The following TOX2 variants were observed in gnomAD, a reference collection of about 807,000 sequenced individuals.
TOX2 encodes granulosa cell HMG box 1.
TOX2 carries 15 observed loss-of-function variants against 47.4 expected under a neutral mutation model. The ratio of observed to expected loss-of-function variants is 0.32; its 90% CI spans 0.21 to 0.49. The LOEUF (loss-of-function observed/expected upper bound fraction) is 0.49, where lower values mean the gene tolerates loss of function less well. Among genes scored for constraint, TOX2 ranks in the 20% least tolerant of loss-of-function variants. TOX2 has a pLI of 0.99. For synonymous variants in TOX2, 290 were observed against 296.6 expected, an observed-to-expected ratio of 0.98 and a Z score of 0.23; for missense variants, 622 against 673.1, an observed-to-expected ratio of 0.92 and a Z score of 0.84.
At chr20:44,000,902 G>A (rs1266228913) in intron 2 of TOX2, among the ~76,000 whole-genome samples, 1 of 152,044 alleles carries the variant, frequency 6.6e-6, no homozygotes, top group Non-Finnish European at 1.5e-5. Flanking sequence ...CCACTGATAA[G>A]GTCAAGATGA....
intron 1 of TOX2, among the ~76,000 whole-genome samples, chr20:43,962,531 T>A (rs150872258): frequency 7.0e-4 from 106 of 152,386 alleles, no homozygotes; most frequent in African/African-American, 2.5e-3. Flanking sequence ...AGCCCTAGAC[T>A]GGGATGTGGC....
intron 1 of TOX2, among the ~76,000 whole-genome samples, chr20:43,964,627 A>G (rs1445802988): frequency 1.3e-5 from 2 of 152,206 alleles, no homozygotes; most frequent in Non-Finnish European, 2.9e-5. Flanking sequence ...CAGCTTCTAC[A>G]GAACAGCTGC....
At chr20:43,959,730 T>A (rs1361174168) in intron 1 of TOX2, among the ~76,000 whole-genome samples, 1 of 152,228 alleles carries the variant, frequency 6.6e-6, no homozygotes, top group Non-Finnish European at 1.5e-5. Flanking sequence ...CTCATGCGGC[T>A]TTTAGTTAAT....
rs545593704 is a variant in TOX2 at position 44,048,707 on chromosome 20, C to T, written c.412-2599C>T. ...TGCCAGACACATTCAAACAAACATA[C>T]AGGCAAGGACAGCATTATTCATATC... On this transcript the variant is annotated intron_variant, in intron 3 of 8. Coordinates refer to ENST00000341197, the MANE Select transcript of TOX2 (RefSeq NM_001098797.2). Among the ~76,000 whole-genome samples the T allele has an allele frequency of 1.1e-4, 17 of 151,442 alleles. No homozygotes were observed. In the East Asian group the frequency reaches 2.9e-3, roughly 26 times the overall value.
intron 1 of TOX2, among the ~76,000 whole-genome samples, chr20:43,955,746 T>C (rs1303051918): frequency 6.6e-6 from 1 of 152,218 alleles, no homozygotes; most frequent in Non-Finnish European, 1.5e-5. Context: ...TAGCCATCAG[T>C]ATAAATTTCT....
At chr20:43,977,110 T>C (rs957208364) in intron 2 of TOX2, among the ~76,000 whole-genome samples, 1 of 152,134 alleles carries the variant, frequency 6.6e-6, no homozygotes, top group Non-Finnish European at 1.5e-5. Context: ...AATCAATATA[T>C]GTATATATTT....
intron 3 of TOX2, among the ~76,000 whole-genome samples, chr20:44,042,979 A>G (rs1299503698): frequency 6.6e-6 from 1 of 152,206 alleles, no homozygotes; most frequent in Non-Finnish European, 1.5e-5. Flanking sequence ...GGCTTGGGTG[A>G]CAGCAAGAAC....
chr20:43,919,463 A>T (rs1325868646), intron 1 of TOX2, among the ~76,000 whole-genome samples: 6 of 152,180 alleles, frequency 3.9e-5, no homozygotes, highest in African/African-American at 1.4e-4. Flanking sequence ...GGTCTAGAAT[A>T]GTGTTTCTCA....
At chr20:44,055,348 C>A (rs965821972) in intron 5 of TOX2, among the ~76,000 whole-genome samples, 1 of 152,188 alleles carries the variant, frequency 6.6e-6, no homozygotes. Flanking sequence ...AGAGCAGGGA[C>A]GGACATTGTC....
At chr20:43,964,935 G>T (rs767350858) in intron 1 of TOX2, among the ~76,000 whole-genome samples, 4 of 152,106 alleles carry the variant, frequency 2.6e-5, no homozygotes, top group Non-Finnish European at 5.9e-5. Context: ...CACTTTTTCA[G>T]GATGCTTCTC....
chr20:43,945,629 A>C (rs549436883), intron 1 of TOX2: 8 of 356,462 alleles, frequency 2.2e-5, no homozygotes, highest in Admixed American at 7.8e-5. Flanking sequence ...CTCTTAAGCC[A>C]CAAATGACGT....
chr20:44,026,255 A>ATATATG (rs1281607498), intron 3 of TOX2, among the ~76,000 whole-genome samples: 1 of 85,314 alleles, frequency 1.2e-5, no homozygotes, highest in Non-Finnish European at 2.6e-5. Context: ...ATATAGACAC[A>ATATATG]CACACACACA....
At chr20:43,946,167 A>AGAT in intron 1 of TOX2, 1 of 1,400,494 alleles carries the variant, frequency 7.1e-7, no homozygotes, top group East Asian at 2.5e-5. Flanking sequence ...TCTGGAATGA[A>AGAT]GATGCTTTAG....
intron 1 of TOX2, among the ~76,000 whole-genome samples, chr20:43,917,082 A>T (rs913250717): frequency 6.6e-6 from 1 of 152,158 alleles, no homozygotes; most frequent in Non-Finnish European, 1.5e-5. Context: ...GTGGGGATGC[A>T]GCTGAGCCAC....
At chr20:44,054,109 T>C (rs1244393783) in intron 4 of TOX2, among the ~76,000 whole-genome samples, 190 bp from the exon 5 acceptor site, 1 of 152,186 alleles carries the variant, frequency 6.6e-6, no homozygotes, top group Non-Finnish European at 1.5e-5. Flanking sequence ...TCATGCTGAT[T>C]CTCTTTAATG....
At chr20:44,066,603 A>G (rs1218166987) in intron 7 of TOX2, 127 bp from the exon 8 acceptor site, 7 of 1,420,574 alleles carry the variant, frequency 4.9e-6, no homozygotes, top group Non-Finnish European at 6.9e-6. Context: ...GCAAGGCAGC[A>G]GCCCTGGAGG....
chr20:43,944,180 C>T (rs577208718), intron 1 of TOX2, among the ~76,000 whole-genome samples: 3 of 152,312 alleles, frequency 2.0e-5, no homozygotes, highest in East Asian at 1.9e-4. Flanking sequence ...CTGGTGAGCA[C>T]GCACTGTGTG....
At chr20:44,026,763 C>G (rs1301291352) in intron 3 of TOX2, among the ~76,000 whole-genome samples, 1 of 152,118 alleles carries the variant, frequency 6.6e-6, no homozygotes, top group Non-Finnish European at 1.5e-5. Flanking sequence ...ACTCCAAGTC[C>G]TTCTGTGCCT....
At chr20:43,958,269 G>T (rs1404466065) in intron 1 of TOX2, among the ~76,000 whole-genome samples, 1 of 152,130 alleles carries the variant, frequency 6.6e-6, no homozygotes, top group East Asian at 1.9e-4. Flanking sequence ...GCCAGATTGG[G>T]CATCCTTCCA....
Sources: allele counts gnomAD v4.1 joint callset (sites outside exome capture counted in the v4.1 genomes callset), GRCh38; gene constraint gnomAD v4.1.1; transcripts MANE v1.5; gene names NCBI Gene and HGNC (gene_info 2026-07-23, HGNC 2026-07-21).